The following DDX10 variants were observed in gnomAD, a reference collection of about 807,000 sequenced individuals.
DDX10 encodes probable ATP-dependent RNA helicase DDX10.
Under a neutral mutation model 104.3 loss-of-function variants are expected in DDX10, and 74 were observed. The ratio of observed to expected loss-of-function variants is 0.71; its 90% CI spans 0.59 to 0.86. The LOEUF (loss-of-function observed/expected upper bound fraction) is 0.86. Among genes scored for constraint, DDX10 ranks in the 40% least tolerant of loss-of-function variants. The pLI is 0.00. For synonymous variants in DDX10, 351 were observed against 353.4 expected (o/e 0.99, Z 0.08); for missense variants, 952 against 1,040.0 (o/e 0.92, Z 1.16).
intron 17 of DDX10, among the ~76,000 whole-genome samples, chr11:108,936,278 T>G (rs913228367): frequency 6.6e-6 from 1 of 152,212 alleles, no homozygotes; most frequent in African/African-American, 2.4e-5. Flanking sequence ...ACATTACTAA[T>G]AAAGTCTTTA....
chr11:108,759,461 T>G (rs1043769692), intron 13 of DDX10, among the ~76,000 whole-genome samples: 4 of 152,040 alleles, frequency 2.6e-5, no homozygotes, highest in Non-Finnish European at 5.9e-5. Flanking sequence ...CCAGGGGTGT[T>G]GTTTGGTATT....
intron 13 of DDX10, among the ~76,000 whole-genome samples, chr11:108,832,777 C>G (rs1862490195): frequency 6.6e-6 from 1 of 152,188 alleles, no homozygotes; most frequent in Admixed American, 6.5e-5. Flanking sequence ...ACTCTTTGAG[C>G]ACTTTCACTT....
chr11:108,936,671 G>A (rs1455268290), intron 17 of DDX10, among the ~76,000 whole-genome samples: 1 of 152,112 alleles, frequency 6.6e-6, no homozygotes, highest in Non-Finnish European at 1.5e-5. Flanking sequence ...TAGCTGCATA[G>A]TATCTCATTT....
Position 108,710,367 on chromosome 11 carries a change from T to C in DDX10, c.1322+3530T>C, listed in dbSNP as rs1378929459. ...AATTACACTTAGCTTAAAACCCACA[T>C]TATACAGCTACACAAAAATATTTTC... On this transcript the variant is annotated intron_variant, in intron 10 of 17. Transcript: ENST00000322536. Among the ~76,000 whole-genome samples the C allele has an allele frequency of 1.2e-4, 19 of 152,210 alleles. 1 individual carries two copies. The highest frequency in any genetic ancestry group is 1.2e-3 in the Admixed American group (19 of 15,284).
chr11:108,698,212 A>G (rs1565250706), intron 9 of DDX10, among the ~76,000 whole-genome samples: 1 of 152,220 alleles, frequency 6.6e-6, no homozygotes, highest in African/African-American at 2.4e-5. Context: ...TGGAATAGCT[A>G]ATGAGAATTT....
intron 13 of DDX10, among the ~76,000 whole-genome samples, chr11:108,743,713 A>G (rs936782847): frequency 6.6e-6 from 1 of 152,160 alleles, no homozygotes; most frequent in African/African-American, 2.4e-5. Flanking sequence ...GCTAATTACC[A>G]TTGCCAGAAG....
At chr11:108,682,134 T>C (rs2094236178) in intron 6 of DDX10, among the ~76,000 whole-genome samples, 1 of 151,814 alleles carries the variant, frequency 6.6e-6, no homozygotes, top group Non-Finnish European at 1.5e-5. Flanking sequence ...AGATGGAGTC[T>C]TGCTCTGTCG....
At chr11:108,721,254 G>T (rs2094298004) in intron 12 of DDX10, among the ~76,000 whole-genome samples, 1 of 151,952 alleles carries the variant, frequency 6.6e-6, no homozygotes, top group African/African-American at 2.4e-5. Flanking sequence ...TTGCTTTATA[G>T]CAGTGTAGGG....
intron 13 of DDX10, among the ~76,000 whole-genome samples, chr11:108,752,591 T>A (rs2094340036): frequency 6.6e-6 from 1 of 152,158 alleles, no homozygotes; most frequent in African/African-American, 2.4e-5. Flanking sequence ...AGCTGATGAA[T>A]GTCATGAATC....
intron 13 of DDX10, among the ~76,000 whole-genome samples, chr11:108,800,959 A>T (rs1035562757): frequency 6.6e-5 from 10 of 152,126 alleles, no homozygotes; most frequent in African/African-American, 2.4e-4. Context: ...ATTATCTGCC[A>T]TTTTGTCAAG....
At chr11:108,872,099 A>G (rs1050164087) in intron 16 of DDX10, among the ~76,000 whole-genome samples, 2 of 152,360 alleles carry the variant, frequency 1.3e-5, no homozygotes, top group Middle Eastern at 3.4e-3. Flanking sequence ...TGAGTTAACT[A>G]TCTTGCAGTA....
chr11:108,785,479 C>A (rs1861778430), intron 13 of DDX10, among the ~76,000 whole-genome samples: 1 of 152,048 alleles, frequency 6.6e-6, no homozygotes, highest in Non-Finnish European at 1.5e-5. Flanking sequence ...TAAGGAGAAG[C>A]CCTTCCTCCT....
intron 13 of DDX10, among the ~76,000 whole-genome samples, chr11:108,769,783 G>A (rs1177987579): frequency 6.6e-6 from 1 of 151,984 alleles, no homozygotes; most frequent in African/African-American, 2.4e-5. Context: ...AATTATTGAG[G>A]GGCTCCAAAG....
At chr11:108,768,601 G>A (rs2094359127) in intron 13 of DDX10, among the ~76,000 whole-genome samples, 1 of 152,062 alleles carries the variant, frequency 6.6e-6, no homozygotes, top group Non-Finnish European at 1.5e-5. Flanking sequence ...AAATTTTGTG[G>A]TTATCTTTGA....
intron 17 of DDX10, among the ~76,000 whole-genome samples, chr11:108,936,368 C>A (rs997298936): frequency 6.6e-6 from 1 of 152,058 alleles, no homozygotes; most frequent in Admixed American, 6.5e-5. Context: ...TAGGGCGTAC[C>A]TACTCTGTAT....
chr11:108,695,071 A>T (rs1473607543), intron 9 of DDX10, among the ~76,000 whole-genome samples: 2 of 152,234 alleles, frequency 1.3e-5, no homozygotes, highest in Non-Finnish European at 2.9e-5. Context: ...TTTTCTGGAT[A>T]GCATATGGTA....
intron 15 of DDX10, among the ~76,000 whole-genome samples, chr11:108,847,893 C>T (rs931173812): frequency 6.6e-6 from 1 of 152,122 alleles, no homozygotes; most frequent in Non-Finnish European, 1.5e-5. Flanking sequence ...TGTCCAGAAC[C>T]CTGCAGCTTG....
intron 16 of DDX10, among the ~76,000 whole-genome samples, chr11:108,889,112 T>C (rs972107260): frequency 6.6e-6 from 1 of 152,204 alleles, no homozygotes; most frequent in South Asian, 2.1e-4. Context: ...TATTTCAGGA[T>C]CTTACAGTGT....
At chr11:108,892,815 T>A (rs914240478) in intron 16 of DDX10, among the ~76,000 whole-genome samples, 4 of 152,186 alleles carry the variant, frequency 2.6e-5, no homozygotes, top group African/African-American at 9.7e-5. Context: ...TCTAAAAGGT[T>A]AATAACCTTG....
Sources: allele counts gnomAD v4.1 joint callset (sites outside exome capture counted in the v4.1 genomes callset), GRCh38; gene constraint gnomAD v4.1.1; transcripts MANE v1.5; gene names NCBI Gene and HGNC (gene_info 2026-07-23, HGNC 2026-07-21).